UGT2B10: variants seen among roughly 807,000 people sequenced by gnomAD.
UGT2B10 encodes the protein UDP glucuronosyltransferase family 2 member B10, also known as UDP-glucuronosyltransferase 2B10.
In UGT2B10, 51 loss-of-function variants were observed where a neutral mutation model predicts 43.7. The observed-to-expected ratio is 1.17, with a 90% CI of 0.93 to 1.47. The LOEUF (loss-of-function observed/expected upper bound fraction) is 1.47. UGT2B10 is among the 40% of genes most tolerant of loss of function. The pLI, the probability that UGT2B10 is intolerant of heterozygous loss-of-function variation, is 0.00. For missense variants in UGT2B10, 696 were observed against 617.7 expected (o/e 1.13, Z -1.34); for synonymous variants, 225 against 209.0 (o/e 1.08, Z -0.66).
rs187318792 is a variant in UGT2B10 at position 68,829,307 on chromosome 4, T to C, written c.1308-1293T>C. 2.0e-5 allele frequency among the ~76,000 whole-genome samples: 3 copies of C among 152,124 alleles called. No individual in the cohort carries two copies. In the East Asian group the frequency reaches 5.8e-4, roughly 29 times the overall value. ...TATTCAAAGTCCGGTTATTCTTTAGTTGGTGGACAAAAGTGGTGACAAAAT... is the reference window on the plus strand; with the variant it reads ...TATTCAAAGTCCGGTTATTCTTTAGCTGGTGGACAAAAGTGGTGACAAAAT... On this transcript the variant is annotated intron_variant, in intron 5 of 5. Coordinates refer to ENST00000265403, the MANE Select transcript of UGT2B10 (RefSeq NM_001075.6).
At chr4:68,821,030 C>T (rs1037483911) in intron 2 of UGT2B10, among the ~76,000 whole-genome samples, 2 of 152,052 alleles carry the variant, frequency 1.3e-5, no homozygotes, top group Middle Eastern at 3.2e-3. Context: ...CAGGTAACTG[C>T]AATCACACAC....
intron 3 of UGT2B10, among the ~76,000 whole-genome samples, chr4:68,823,362 G>A (rs1737608962): frequency 6.6e-6 from 1 of 151,882 alleles, no homozygotes; most frequent in Admixed American, 6.6e-5. Context: ...AAAAAATTAG[G>A]CAGGAGTGGT....
chr4:68,821,760 A>G (rs1370665027), intron 2 of UGT2B10, among the ~76,000 whole-genome samples: 1 of 152,194 alleles, frequency 6.6e-6, no homozygotes, highest in Non-Finnish European at 1.5e-5. Context: ...ATATAAAATT[A>G]TCCCAACTGT....
At chr4:68,820,410 G>A (rs1737435018) in intron 2 of UGT2B10, among the ~76,000 whole-genome samples, 1 of 152,018 alleles carries the variant, frequency 6.6e-6, no homozygotes, top group Admixed American at 6.6e-5. Context: ...ATTGTTATTA[G>A]TTTTATAATA....
At chr4:68,820,386 T>A (rs546491098) in intron 2 of UGT2B10, among the ~76,000 whole-genome samples, 1 of 152,220 alleles carries the variant, frequency 6.6e-6, no homozygotes, top group East Asian at 1.9e-4. Context: ...GTATCAGGTG[T>A]TTTAAAAATA....
intron 1 of UGT2B10, 150 bp downstream of exon 1, chr4:68,816,887 ATAT>A: frequency 1.3e-6 from 1 of 783,080 alleles, no homozygotes; most frequent in East Asian, 2.7e-5. Context: ...AATCTCACAA[ATAT>A]TATAGAAAAG....
intron 5 of UGT2B10, among the ~76,000 whole-genome samples, chr4:68,828,045 TAC>T (rs945021003): frequency 6.6e-6 from 1 of 152,020 alleles, no homozygotes; most frequent in African/African-American, 2.4e-5. Context: ...TTACTATGTT[TAC>T]AGAGTCATGA....
At chr4:68,826,665 A>G (rs1737797792) in intron 4 of UGT2B10, among the ~76,000 whole-genome samples, 168 bp downstream of exon 4, 1 of 152,146 alleles carries the variant, frequency 6.6e-6, no homozygotes, top group African/African-American at 2.4e-5. Context: ...AATTGTTGGC[A>G]TTTTGTGATA....
At position 68,817,996 on chromosome 4, in the gene UGT2B10, T is replaced by G. The variant is rs1199427854; in HGVS notation, c.719-33T>G. On this transcript the variant is annotated intron_variant, in intron 1 of 5. Transcript: ENST00000265403. ...AATTACATAAAGTAATTATCTTATG[T>G]CATCCACTTCTTCTTTTCTTTATTC... The G allele has an allele frequency of 2.5e-6, 4 of 1,591,098 alleles. No homozygotes were observed. In the African/African-American group the frequency reaches 5.4e-5, roughly 22 times the overall value.
In UGT2B10 at chr4:68,831,077, A is replaced by G. The variant is rs569955196; in HGVS notation, c.*198A>G. 8 of 665,674 alleles carry G rather than the reference A, an allele frequency of 1.2e-5. No homozygotes were observed. The highest frequency in any genetic ancestry group is 3.6e-5 in the African/African-American group (2 of 54,930). 41.2% of individuals were successfully genotyped at this position (665,674 alleles called of 1,614,324 possible). A position where few individuals can be genotyped will look rare whatever the true frequency, so the allele number is the denominator to read the frequency against. On this transcript the variant is annotated 3_prime_UTR_variant, in exon 6 of 6. Coordinates refer to ENST00000265403, the MANE Select transcript of UGT2B10 (RefSeq NM_001075.6). ...GGTTAGAAATATTCTGTGGCAATGA[A>G]GAAAACACTAGGGGAAATAAAAAAT... is the stretch of plus-strand genomic sequence containing the variant.
chr4:68,823,856 A>G (rs1410429837), intron 3 of UGT2B10, among the ~76,000 whole-genome samples: 1 of 152,136 alleles, frequency 6.6e-6, no homozygotes, highest in East Asian at 1.9e-4. Context: ...CATTAATAAT[A>G]TGACCAGGAA....
At chr4:68,817,270 T>A in intron 1 of UGT2B10, among the ~76,000 whole-genome samples, 1 of 151,752 alleles carries the variant, frequency 6.6e-6, no homozygotes, top group East Asian at 1.9e-4. Context: ...TAATTTGAAG[T>A]TTCAAATGTT....
In UGT2B10 at chr4:68,831,988, C is replaced by T. The variant is rs1408721196; in HGVS notation, c.*1109C>T. Among the ~76,000 whole-genome samples the T allele has an allele frequency of 6.6e-6, 1 of 151,960 alleles. No homozygotes were observed. The highest frequency in any genetic ancestry group is 1.5e-5 in the Non-Finnish European group (1 of 67,982). ...AGGATTCTGGATCTCTTATGAATAA[C>T]AAATTTATCCTTAATAAAGTCTCTA... On this transcript the variant is annotated 3_prime_UTR_variant, in exon 6 of 6. Coordinates refer to ENST00000265403, the MANE Select transcript of UGT2B10 (RefSeq NM_001075.6).
At chr4:68,820,817 A>T (rs546403157) in intron 2 of UGT2B10, among the ~76,000 whole-genome samples, 2 of 152,204 alleles carry the variant, frequency 1.3e-5, no homozygotes, top group Non-Finnish European at 2.9e-5. Flanking sequence ...TTTTTAAAAA[A>T]CTTTTCTTAC....
intron 3 of UGT2B10, among the ~76,000 whole-genome samples, chr4:68,825,503 C>T (rs910475352): frequency 1.3e-5 from 2 of 151,910 alleles, no homozygotes; most frequent in Non-Finnish European, 2.9e-5. Context: ...CCTCCACCTT[C>T]CAATACATCT....
In UGT2B10 at chr4:68,816,730, A is replaced by G. The variant is rs1442637725; in HGVS notation, c.711A>G (p.Glu237=). ...AGAAGTGGGATCAGTTTTACAGTGA[A>G]GTTTTAGGTAAGATTTTTTTCAATT... ...NMKKWDQFYS[E]VLGRPTTLSE... The change falls in exon 1 of 6, where the codon GAA becomes GAG. Residue 237 remains glutamate (E), a synonymous_variant. Transcript: ENST00000265403. 1 of 1,587,798 alleles carries G rather than the reference A, an allele frequency of 6.3e-7. No homozygotes were observed. Among genetic ancestry groups the G allele is most frequent in the East Asian group, 2.2e-5 (1 of 44,508 alleles).
rs375571968 is a variant in UGT2B10 at position 68,830,695 on chromosome 4, G to C, written c.1403G>C (p.Arg468Pro). 1.2e-6 allele frequency: 2 copies of C among 1,613,352 alleles called. No individual in the cohort carries two copies. ...RAVFWIEFVMRHKGAKHLRVA... is the reference protein window; with the variant it reads ...RAVFWIEFVMPHKGAKHLRVA... ...GTCTTCTGGATTGAATTTGTCATGC[G>C]CCACAAAGGAGCCAAACATCTTCGA... is the stretch of plus-strand genomic sequence containing the variant. Residue 468 changes from arginine to proline, a missense_variant, in exon 6 of 6, where the codon CGC becomes CCC. By Grantham distance (103) the Arg-to-Pro change is moderately radical (BLOSUM62 -2). Coordinates refer to ENST00000265403, the MANE Select transcript of UGT2B10 (RefSeq NM_001075.6).
chr4:68,819,773 C>G (rs764142716), intron 2 of UGT2B10, among the ~76,000 whole-genome samples: 1 of 151,530 alleles, frequency 6.6e-6, no homozygotes, highest in East Asian at 1.9e-4. Context: ...AATTTCAATA[C>G]GAAAAAAAAT....
intron 5 of UGT2B10, among the ~76,000 whole-genome samples, chr4:68,828,896 A>G (rs771379036): frequency 3.3e-5 from 5 of 151,840 alleles, no homozygotes; most frequent in African/African-American, 4.8e-5. Flanking sequence ...GGGAGGTTAT[A>G]AATACTATTA....
Sources: gnomAD v4.1 joint callset for allele counts (sites outside exome capture counted in the v4.1 genomes callset) on GRCh38, gnomAD v4.1.1 for gene constraint, MANE v1.5 for transcripts, NCBI Gene and HGNC (gene_info 2026-07-23, HGNC 2026-07-21) for gene names.